HMGCLL1: variants seen among roughly 807,000 people sequenced by gnomAD.
The protein encoded by HMGCLL1 is 3-hydroxy-3-methylglutaryl-CoA lyase like 1.
HMGCLL1 carries 36 observed loss-of-function variants against 39.1 expected under a neutral mutation model. The observed-to-expected ratio is 0.92, with a 90% CI of 0.71 to 1.22. The LOEUF is 1.22. Ranked by LOEUF, HMGCLL1 falls within the 50% of genes most tolerant of loss-of-function variation. The probability of loss-of-function intolerance (pLI) is 0.00; values close to 1 mark genes in which losing one functional copy is unlikely to be tolerated. For synonymous variants in HMGCLL1, 149 were observed against 144.0 expected, an observed-to-expected ratio of 1.03 and a Z score of -0.25; for missense variants, 451 against 416.5, an observed-to-expected ratio of 1.08 and a Z score of -0.72.
intron 7 of HMGCLL1, among the ~76,000 whole-genome samples, chr6:55,442,223 T>A (rs895050296): frequency 2.0e-5 from 3 of 152,152 alleles, no homozygotes; most frequent in African/African-American, 7.2e-5. Context: ...AAAATGTCAC[T>A]ATGCGTAGCT....
At chr6:55,514,269 A>G in intron 4 of HMGCLL1, 73 bp from the exon 5 acceptor site, 1 of 1,177,898 alleles carries the variant, frequency 8.5e-7, no homozygotes, top group Non-Finnish European at 1.2e-6. Context: ...AATAAAGATT[A>G]ACTACTCTAT....
chr6:55,571,539 C>G (rs918742461), intron 1 of HMGCLL1, among the ~76,000 whole-genome samples: 1 of 152,138 alleles, frequency 6.6e-6, no homozygotes, highest in Non-Finnish European at 1.5e-5. Context: ...GGCAAGGTGG[C>G]TCACGCCTGT....
the HMGCLL1 span, among the ~76,000 whole-genome samples, chr6:55,675,016 C>T: frequency 6.6e-6 from 1 of 152,058 alleles, no homozygotes; most frequent in African/African-American, 2.4e-5. Context: ...TCCAGTCATA[C>T]TGATACATGC....
chr6:55,554,565 T>C (rs1292440561), intron 1 of HMGCLL1, among the ~76,000 whole-genome samples: 1 of 152,054 alleles, frequency 6.6e-6, no homozygotes, highest in Non-Finnish European at 1.5e-5. Flanking sequence ...TGAAAAAAAC[T>C]TGACATCAAA....
chr6:55,500,856 T>C (rs1341952640), intron 5 of HMGCLL1, among the ~76,000 whole-genome samples: 1 of 151,972 alleles, frequency 6.6e-6, no homozygotes, highest in Non-Finnish European at 1.5e-5. Context: ...AATATATAAA[T>C]ACATTGATTT....
chr6:55,527,692 T>C (rs1460821671), intron 3 of HMGCLL1, among the ~76,000 whole-genome samples: 1 of 152,068 alleles, frequency 6.6e-6, no homozygotes, highest in African/African-American at 2.4e-5. Context: ...ATGGTGACTT[T>C]CTTGTCTATA....
chr6:55,656,323 C>T, the HMGCLL1 span, among the ~76,000 whole-genome samples: 1 of 151,908 alleles, frequency 6.6e-6, no homozygotes, highest in East Asian at 1.9e-4. Context: ...AGACTGCACT[C>T]TAAGAATTAT....
At chr6:55,441,433 CTTT>C (rs1763594125) in intron 7 of HMGCLL1, among the ~76,000 whole-genome samples, 1 of 152,104 alleles carries the variant, frequency 6.6e-6, no homozygotes, top group South Asian at 2.1e-4. Context: ...AGTTTGGCTT[CTTT>C]GTCAGATCTT....
At chr6:55,453,597 T>A (rs564420731) in intron 7 of HMGCLL1, among the ~76,000 whole-genome samples, 1 of 152,306 alleles carries the variant, frequency 6.6e-6, no homozygotes, top group South Asian at 2.1e-4. Context: ...CTATCTAAGG[T>A]TTATGAATAA....
At chr6:55,665,259 A>T in the HMGCLL1 span, among the ~76,000 whole-genome samples, 1 of 151,680 alleles carries the variant, frequency 6.6e-6, no homozygotes, top group South Asian at 2.1e-4. Context: ...TGATTTTTAG[A>T]GGCAGACAAG....
chr6:55,504,689 T>G (rs1296361666), intron 5 of HMGCLL1, among the ~76,000 whole-genome samples: 1 of 151,570 alleles, frequency 6.6e-6, no homozygotes, highest in East Asian at 1.9e-4. Flanking sequence ...TTAAAAATAT[T>G]TTTGATTCAT....
chr6:55,602,272 T>A, the HMGCLL1 span, among the ~76,000 whole-genome samples: 1 of 152,128 alleles, frequency 6.6e-6, no homozygotes, highest in Non-Finnish European at 1.5e-5. Context: ...TTTGTTAATG[T>A]TATTTACACT....
chr6:55,527,594 C>G (rs1372837663), intron 3 of HMGCLL1, among the ~76,000 whole-genome samples: 1 of 151,960 alleles, frequency 6.6e-6, no homozygotes, highest in Non-Finnish European at 1.5e-5. Flanking sequence ...ACAAAAATAT[C>G]TATTGAAAAT....
chr6:55,585,437 C>T, the HMGCLL1 span, among the ~76,000 whole-genome samples: 11 of 152,062 alleles, frequency 7.2e-5, no homozygotes, highest in African/African-American at 2.2e-4. Flanking sequence ...TTTCCATTAA[C>T]TACAAGCTCA....
chr6:55,565,629 A>G (rs981557817), intron 1 of HMGCLL1, among the ~76,000 whole-genome samples: 2 of 152,130 alleles, frequency 1.3e-5, no homozygotes, highest in African/African-American at 4.8e-5. Context: ...CAAATTCTTC[A>G]AAGAGCAAGT....
chr6:55,521,248 G>A (rs1207690656), intron 3 of HMGCLL1, among the ~76,000 whole-genome samples: 2 of 152,064 alleles, frequency 1.3e-5, no homozygotes, highest in African/African-American at 4.8e-5. Context: ...GAGATTAGTG[G>A]AATTTCAAGA....
chr6:55,613,754 A>G, the HMGCLL1 span, among the ~76,000 whole-genome samples: 1 of 152,092 alleles, frequency 6.6e-6, no homozygotes, highest in South Asian at 2.1e-4. Context: ...AGGGAAGGTA[A>G]CAACACACAC....
intron 7 of HMGCLL1, among the ~76,000 whole-genome samples, chr6:55,458,751 T>C (rs138138331): frequency 1.3e-5 from 2 of 152,188 alleles, no homozygotes; most frequent in East Asian, 3.8e-4. Context: ...TAGCATTTTT[T>C]AATAAGAATA....
intron 7 of HMGCLL1, among the ~76,000 whole-genome samples, chr6:55,468,101 G>C (rs1764869313): frequency 6.6e-6 from 1 of 152,042 alleles, no homozygotes; most frequent in African/African-American, 2.4e-5. Flanking sequence ...GTAGCAGATT[G>C]AGGGCAACCT....
Sources: gnomAD v4.1 joint callset for allele counts (sites outside exome capture counted in the v4.1 genomes callset) on GRCh38, gnomAD v4.1.1 for gene constraint, MANE v1.5 for transcripts, NCBI Gene and HGNC (gene_info 2026-07-23, HGNC 2026-07-21) for gene names.